Variants in PAX3 observed in about 807,000 individuals in gnomAD.
PAX3 encodes the protein paired box 3, also known as paired box protein Pax-3.
A neutral mutation model predicts 51.6 loss-of-function variants in PAX3; 14 were observed. The ratio of observed to expected loss-of-function variants is 0.27; its 90% CI spans 0.18 to 0.42. The LOEUF (loss-of-function observed/expected upper bound fraction) is 0.42. PAX3 is among the 10% of genes least tolerant of loss of function. The pLI, the probability that PAX3 is intolerant of heterozygous loss-of-function variation, is 1.00. For missense variants in PAX3, 540 were observed against 642.8 expected (o/e 0.84, Z 1.73); for synonymous variants, 280 against 253.4 (o/e 1.11, Z -1.00).
intron 3 of PAX3, among the ~76,000 whole-genome samples, chr2:222,294,909 T>G (rs1222241876): frequency 6.6e-6 from 1 of 151,980 alleles, no homozygotes; most frequent in African/African-American, 2.4e-5. Context: ...CCCACTTATT[T>G]TTTCCAGATT....
At position 222,200,828 on chromosome 2, in the gene PAX3, G is replaced by A; in HGVS notation, c.*580C>T. On this transcript the variant is annotated 3_prime_UTR_variant, in exon 9 of 9. Transcript: ENST00000392070. ...TTATTTAGGAGGTCCTTTACAGCTA[G>A]TCTAGCTTCCTAAAAATGGTTGCAT... is the stretch of plus-strand genomic sequence containing the variant. 2.7e-6 allele frequency: 1 copy of A among 370,922 alleles called. No individual in the cohort carries two copies. Among genetic ancestry groups the A allele is most frequent in the Middle Eastern group, 7.4e-4 (1 of 1,348 alleles). The allele number at this position is 370,922 out of a possible 1,614,324, so 23.0% of individuals were successfully genotyped here.
At chr2:222,218,612 T>G (rs1692061475) in intron 7 of PAX3, among the ~76,000 whole-genome samples, 2 of 152,300 alleles carry the variant, frequency 1.3e-5, no homozygotes, top group South Asian at 4.1e-4. Flanking sequence ...ACTTCTAAGT[T>G]GTGGAAGAAG....
chr2:222,253,641 T>G (rs1693522921), intron 4 of PAX3, among the ~76,000 whole-genome samples: 1 of 152,074 alleles, frequency 6.6e-6, no homozygotes, highest in Non-Finnish European at 1.5e-5. Context: ...TTCTTTTTTT[T>G]TTTTCTTTCT....
chr2:222,220,071 C>T, intron 7 of PAX3, 69 bp downstream of exon 7: 1 of 1,338,566 alleles, frequency 7.5e-7, no homozygotes, highest in Non-Finnish European at 1.1e-6. Context: ...CATTACACTA[C>T]TGCCTCAGGG....
At chr2:222,265,643 A>T (rs1478363886) in intron 4 of PAX3, among the ~76,000 whole-genome samples, 1 of 26,554 alleles carries the variant, frequency 3.8e-5, no homozygotes. Context: ...TCCATCAAAA[A>T]AAAGAAGGAA....
intron 4 of PAX3, among the ~76,000 whole-genome samples, chr2:222,255,634 G>A (rs967525028): frequency 8.5e-5 from 13 of 152,192 alleles, no homozygotes; most frequent in Non-Finnish European, 1.6e-4. Flanking sequence ...CAGATACCTT[G>A]ATGTTAGGAA....
chr2:222,260,605 T>G (rs1442597845), intron 4 of PAX3, among the ~76,000 whole-genome samples: 6 of 89,768 alleles, frequency 6.7e-5, no homozygotes, highest in South Asian at 9.9e-4. Context: ...TTTTTTTTTT[T>G]TTTTGAGGCA....
intron 4 of PAX3, among the ~76,000 whole-genome samples, chr2:222,244,490 T>C (rs1478873978): frequency 6.6e-6 from 1 of 152,130 alleles, no homozygotes; most frequent in Non-Finnish European, 1.5e-5. Context: ...GATACACAAT[T>C]TATCCTCAGC....
intron 4 of PAX3, among the ~76,000 whole-genome samples, chr2:222,261,828 A>G (rs1005804970): frequency 6.6e-6 from 1 of 152,200 alleles, no homozygotes; most frequent in Non-Finnish European, 1.5e-5. Flanking sequence ...TTCTTTATGA[A>G]TGTACGTTAA....
intron 4 of PAX3, among the ~76,000 whole-genome samples, chr2:222,261,194 C>A (rs541591937): frequency 6.6e-6 from 1 of 152,310 alleles, no homozygotes; most frequent in Admixed American, 6.5e-5. Context: ...CTGCCATGCA[C>A]GCAGTGGACT....
chr2:222,233,635 G>A (rs1172671918), intron 4 of PAX3, among the ~76,000 whole-genome samples: 2 of 152,102 alleles, frequency 1.3e-5, no homozygotes, highest in Non-Finnish European at 2.9e-5. Flanking sequence ...CAGGCAGGAA[G>A]AGCAGCCCTC....
At chr2:222,271,577 A>T (rs1233933964) in intron 4 of PAX3, among the ~76,000 whole-genome samples, 4 of 152,038 alleles carry the variant, frequency 2.6e-5, no homozygotes, top group Non-Finnish European at 4.4e-5. Context: ...TGAGGGAAAA[A>T]CCTTTTTTTC....
intron 4 of PAX3, among the ~76,000 whole-genome samples, chr2:222,293,352 T>G (rs952807445): frequency 1.3e-5 from 2 of 152,184 alleles, no homozygotes; most frequent in South Asian, 4.1e-4. Context: ...CTTTCTTTCT[T>G]TTTGCGTTTG....
chr2:222,201,558 A>G, intron 8 of PAX3, 116 bp from the exon 9 acceptor site: 3 of 1,436,078 alleles, frequency 2.1e-6, no homozygotes, highest in African/African-American at 1.4e-5. Context: ...AAGGCTTGAG[A>G]CTAATATTTT....
chr2:222,252,862 C>T (rs773976566), intron 4 of PAX3, among the ~76,000 whole-genome samples: 1 of 152,130 alleles, frequency 6.6e-6, no homozygotes, highest in Non-Finnish European at 1.5e-5. Context: ...TTTAACAGGA[C>T]AGTAGTTTTC....
chr2:222,256,005 G>A (rs1456157464), intron 4 of PAX3, among the ~76,000 whole-genome samples: 4 of 140,768 alleles, frequency 2.8e-5, no homozygotes, highest in Non-Finnish European at 6.0e-5. Context: ...TCCTGACCTC[G>A]TGATCTGCCC....
chr2:222,251,119 T>C (rs1693414980), intron 4 of PAX3, among the ~76,000 whole-genome samples: 1 of 143,438 alleles, frequency 7.0e-6, no homozygotes, highest in African/African-American at 2.5e-5. Flanking sequence ...TTATTTTTAT[T>C]ATACTTTAAG....
intron 4 of PAX3, among the ~76,000 whole-genome samples, chr2:222,279,683 C>T (rs1420228570): frequency 6.6e-6 from 1 of 152,058 alleles, no homozygotes; most frequent in Non-Finnish European, 1.5e-5. Context: ...CATTGTCTTA[C>T]TTAATGAATT....
In PAX3 at chr2:222,296,528, T is replaced by C. The variant is rs1695304140; in HGVS notation, c.321+450A>G. On this transcript the variant is annotated intron_variant, in intron 2 of 8. Transcript: ENST00000392070. ...TTGACTCATTGAAAACAATTTGCAC[T>C]GGGGGAGACTGAGGGCGGGGTTTGG... Among the ~76,000 whole-genome samples, 3 of 152,122 alleles carry C rather than the reference T, an allele frequency of 2.0e-5. No individual in the cohort carries two copies. In the South Asian group the frequency reaches 6.2e-4, roughly 31 times the overall value.
Sources: allele counts gnomAD v4.1 joint callset (sites outside exome capture counted in the v4.1 genomes callset), GRCh38; gene constraint gnomAD v4.1.1; transcripts MANE v1.5; gene names NCBI Gene and HGNC (gene_info 2026-07-23, HGNC 2026-07-21).